Variants in RBM3 observed in about 807,000 individuals in gnomAD.
RBM3 encodes RNA-binding protein 3.
Under a neutral mutation model 12.0 loss-of-function variants are expected in RBM3, and 3 were observed. The observed-to-expected ratio is 0.25, with a 90% CI of 0.11 to 0.65. RBM3 has a LOEUF of 0.65. RBM3 is among the 30% of genes least tolerant of loss of function. The pLI, the probability that RBM3 is intolerant of heterozygous loss-of-function variation, is 0.84. For synonymous variants in RBM3, 58 were observed against 45.7 expected (o/e 1.27, Z -1.08); for missense variants, 108 against 134.5 (o/e 0.80, Z 0.97).
Position 48,577,690 on chromosome X carries a change from T to A in RBM3, c.*249T>A, listed in dbSNP as rs942402195. 7 of 213,992 alleles carry A rather than the reference T, an allele frequency of 3.3e-5. No individual in the cohort carries two copies. The East Asian group carries it at 1.1e-3, about 33-fold the overall frequency. 17.6% of individuals were successfully genotyped at this position (213,992 alleles called of 1,213,427 possible). A position where few individuals can be genotyped will look rare whatever the true frequency, so the allele number is the denominator to read the frequency against. The stretch of plus-strand genomic sequence containing the variant: ...ATGGGACGTTTGTAGAACCTGAGTA[T>A]TTTTCTTTTTACCAGTTTTTTAGTT... On this transcript the variant is annotated 3_prime_UTR_variant, in exon 7 of 7. Transcript: ENST00000376759.
At position 48,579,385 on chromosome X, in the gene RBM3, A is replaced by G. The variant is rs782010045; in HGVS notation, c.*1944A>G. On this transcript the variant is annotated 3_prime_UTR_variant, in exon 7 of 7. Transcript: ENST00000376759. ...TCCAGTCCTGGAGGCCTGCCTCCTG[A>G]GTTTCCCAGCTAGTTGGGACAGGCC... is the stretch of plus-strand genomic sequence containing the variant. 8.9e-6 allele frequency among the ~76,000 whole-genome samples: 1 copy of G among 111,870 alleles called. No homozygotes were observed. Among genetic ancestry groups the G allele is most frequent in the African/African-American group, 3.2e-5 (1 of 30,838 alleles).
intron 6 of RBM3, 146 bp from the exon 7 acceptor site, chrX:48,577,319 T>A: frequency 1.1e-6 from 1 of 945,114 alleles, no homozygotes; most frequent in Non-Finnish European, 1.4e-6. Context: ...CCATCTCCTA[T>A]AATCTTCTAC....
In RBM3 at chrX:48,580,525, T is replaced by A. The variant is rs1556990237; in HGVS notation, c.*3084T>A. 2.6e-4 allele frequency among the ~76,000 whole-genome samples: 29 copies of A among 111,031 alleles called. No homozygotes were observed. The stretch of plus-strand genomic sequence containing the variant: ...AGTTCTCATGCCTCAGCCTCCCAAG[T>A]AGCTGGGATTACAGGTGCCTGCCAC... On this transcript the variant is annotated 3_prime_UTR_variant, in exon 7 of 7. Transcript: ENST00000376759.
In RBM3 at chrX:48,577,077, T is replaced by C. The variant is rs184256608; in HGVS notation, c.465T>C (p.Tyr155=). The C allele has an allele frequency of 2.2e-5, 27 of 1,210,150 alleles. No homozygotes were observed. Among genetic ancestry groups the C allele is most frequent in the Admixed American group, 6.6e-5 (3 of 45,676 alleles). The part of the protein sequence containing the change: ...RYSGGNYRDN[Y]DN ...CAGGAGGAAATTACAGAGACAATTA[T>C]GACAACTGAAATGAGACATGCACAT... Residue 155 remains tyrosine, a synonymous_variant, in exon 6 of 7, where the codon TAT becomes TAC. Transcript: ENST00000376759.
rs995226080 is a variant in RBM3, at chrX:48,578,713, T to C, written c.*1272T>C. On this transcript the variant is annotated 3_prime_UTR_variant, in exon 7 of 7. Transcript: ENST00000376759. ...GGTTTCCTTAACTGGTCTCTTATCT[T>C]AGTCCCATTGTTCTGAGAACATAAG... The C allele has an allele frequency of 8.0e-5, 9 of 112,114 alleles. No homozygotes were observed. Among genetic ancestry groups the C allele is most frequent in the African/African-American group, 2.9e-4 (9 of 30,858 alleles). The allele number at this position is 112,114 out of a possible 1,213,427, so 9.2% of individuals were successfully genotyped here.
At position 48,580,015 on chromosome X, in the gene RBM3, A is replaced by G. The variant is rs192075157; in HGVS notation, c.*2574A>G. On this transcript the variant is annotated 3_prime_UTR_variant, in exon 7 of 7. Transcript: ENST00000376759. ...TACTTTGGTTTGTCTTCAGCATCCA[A>G]CTGATGCACATTTGTCAAGAACCCA... 2.7e-5 allele frequency: 3 copies of G among 111,226 alleles called. No homozygotes were observed. Among genetic ancestry groups the G allele is most frequent in the African/African-American group, 9.8e-5 (3 of 30,576 alleles). The allele number at this position is 111,226 out of a possible 1,213,427, so 9.2% of individuals were successfully genotyped here.
intron 6 of RBM3, 152 bp downstream of exon 6, chrX:48,577,261 C>G: frequency 1.8e-6 from 2 of 1,111,458 alleles, no homozygotes; most frequent in South Asian, 4.3e-5. Flanking sequence ...CTTCCTTGCT[C>G]TCAGGTGCAT....
chrX:48,577,428 C>G (rs1401841625), intron 6 of RBM3, 37 bp from the exon 7 acceptor site: 1 of 950,406 alleles, frequency 1.1e-6, no homozygotes, highest in Admixed American at 2.8e-5. Context: ...GCTGTTACTT[C>G]ATGACATCAC....
chrX:48,575,935 C>A, intron 3 of RBM3: 1 of 560,570 alleles, frequency 1.8e-6, no homozygotes, highest in Non-Finnish European at 2.8e-6. Context: ...GTAGAGTCTG[C>A]AGACCTGTGG....
At position 48,579,298 on chromosome X, in the gene RBM3, A is replaced by T. The variant is rs1199828110; in HGVS notation, c.*1857A>T. On this transcript the variant is annotated 3_prime_UTR_variant, in exon 7 of 7. Coordinates refer to ENST00000376759, the MANE Select transcript of RBM3 (RefSeq NM_006743.5). ...TTACCACCAGGTTGCAAACTCCAGG[A>T]CATTATTGTCCTGAGCTGCCTATTC... is the stretch of plus-strand genomic sequence containing the variant. Among the ~76,000 whole-genome samples, 1 of 112,006 alleles carries T rather than the reference A, an allele frequency of 8.9e-6. No individual in the cohort carries two copies. Among genetic ancestry groups the T allele is most frequent in the Non-Finnish European group, 1.9e-5 (1 of 53,186 alleles).
intron 1 of RBM3, 41 bp from the exon 2 acceptor site, chrX:48,575,127 C>T: frequency 1.0e-6 from 1 of 990,034 alleles, no homozygotes; most frequent in Non-Finnish European, 1.4e-6. Context: ...TCTCCATTTT[C>T]TTTCTCCTTC....
chrX:48,574,755 T>A (rs1448468104), intron 1 of RBM3, 182 bp downstream of exon 1: 1 of 331,078 alleles, frequency 3.0e-6, no homozygotes, highest in African/African-American at 2.6e-5. Context: ...GCCGGCGCGC[T>A]GTATCTGAGT....
chrX:48,575,746 G>T, intron 3 of RBM3, 79 bp downstream of exon 3: 1 of 950,272 alleles, frequency 1.1e-6, no homozygotes, highest in South Asian at 2.3e-5. Flanking sequence ...CTCTGTGTCT[G>T]CTCGGGGCAG....
At chrX:48,575,491 C>T (rs2062076294) in intron 2 of RBM3, 70 bp from the exon 3 acceptor site, 1 of 995,320 alleles carries the variant, frequency 1.0e-6, no homozygotes, top group Non-Finnish European at 1.4e-6. Context: ...CCTTTTCCGG[C>T]CACCCTTTGC....
chrX:48,578,894 C>T lies in RBM3; in HGVS notation c.*1453C>T, dbSNP rs1285157283. 9.0e-6 allele frequency: 1 copy of T among 111,722 alleles called. No individual in the cohort carries two copies. The highest frequency in any genetic ancestry group is 9.5e-5 in the Admixed American group (1 of 10,477). 9.2% of individuals were successfully genotyped at this position (111,722 alleles called of 1,213,427 possible). A position where few individuals can be genotyped will look rare whatever the true frequency, so the allele number is the denominator to read the frequency against. Reference sequence around the variant, plus strand: ...CCTGGTTTGAAAACAATGCTAAGAGCTCAGATTCCAGGATTTATGTAGGGG... The same window carrying T: ...CCTGGTTTGAAAACAATGCTAAGAGTTCAGATTCCAGGATTTATGTAGGGG... On this transcript the variant is annotated 3_prime_UTR_variant, in exon 7 of 7. Coordinates refer to ENST00000376759, the MANE Select transcript of RBM3 (RefSeq NM_006743.5).
chrX:48,574,711 G>A (rs1244717108), intron 1 of RBM3, 138 bp downstream of exon 1: 2 of 330,076 alleles, frequency 6.1e-6, no homozygotes, highest in African/African-American at 5.3e-5. Flanking sequence ...GGCGGGTCCC[G>A]TGCTTGGAGG....
intron 1 of RBM3, 198 bp from the exon 2 acceptor site, chrX:48,574,970 T>C: frequency 2.2e-6 from 1 of 452,592 alleles, no homozygotes; most frequent in African/African-American, 2.4e-5. Flanking sequence ...TGTGGCCCCC[T>C]AATGGTGGCT....
rs781825099 is a variant in RBM3, at chrX:48,579,492, C to T, written c.*2051C>T. ...TGGAGACTTGGGAACTTCCACCTCA[C>T]CCACTAAGCCAGGCCCAGGCTATGG... On this transcript the variant is annotated 3_prime_UTR_variant, in exon 7 of 7. Transcript: ENST00000376759. 1.8e-5 allele frequency among the ~76,000 whole-genome samples: 2 copies of T among 111,890 alleles called. No homozygotes were observed. The highest frequency in any genetic ancestry group is 3.8e-5 in the Non-Finnish European group (2 of 53,180).
At chrX:48,576,089 T>C (rs1351744222) in intron 3 of RBM3, 1 of 1,136,842 alleles carries the variant, frequency 8.8e-7, no homozygotes, top group Non-Finnish European at 1.2e-6. Flanking sequence ...AAGATGTAAG[T>C]AGTAGCAAGG....
Sources: allele counts gnomAD v4.1 joint callset (sites outside exome capture counted in the v4.1 genomes callset), GRCh38; gene constraint gnomAD v4.1.1; transcripts MANE v1.5; gene names NCBI Gene and HGNC (gene_info 2026-07-23, HGNC 2026-07-21).